The following PAICS variants were observed in gnomAD, a reference collection of about 807,000 sequenced individuals.
PAICS encodes phosphoribosylaminoimidazole carboxylase and phosphoribosylaminoimidazolesuccinocarboxamide synthase, also known as bifunctional phosphoribosylaminoimidazole carboxylase/phosphoribosylaminoimidazole succinocarboxamide synthetase.
Under a neutral mutation model 53.7 loss-of-function variants are expected in PAICS, and 33 were observed. The ratio of observed to expected loss-of-function variants is 0.61; its 90% confidence interval spans 0.47 to 0.82. The LOEUF is 0.82. Among genes scored for constraint, PAICS ranks in the 40% least tolerant of loss-of-function variants. The pLI, the probability that PAICS is intolerant of heterozygous loss-of-function variation, is 0.00. For synonymous variants in PAICS, 141 were observed against 167.2 expected, an observed-to-expected ratio of 0.84 and a Z score of 1.21; for missense variants, 394 against 494.1, an observed-to-expected ratio of 0.80 and a Z score of 1.92.
Position 56,459,482 on chromosome 4 carries a change from A to C in PAICS, c.1222A>C (p.Asn408His), listed in dbSNP as rs745894323. 1 of 1,598,576 alleles carries C rather than the reference A, an allele frequency of 6.3e-7. No homozygotes were observed. Among genetic ancestry groups the C allele is most frequent in the Admixed American group, 1.7e-5 (1 of 59,630 alleles). ...VWSKLRASILNTWISLKQADK... is the reference protein window; with the variant it reads ...VWSKLRASILHTWISLKQADK... ...GAGCAAACTGCGAGCAAGCATTTTGAACACATGGATTTCCTTGAAGCAGGC... is the reference window on the plus strand; with the variant it reads ...GAGCAAACTGCGAGCAAGCATTTTGCACACATGGATTTCCTTGAAGCAGGC... Residue 408 changes from asparagine to histidine, a missense_variant, in exon 9 of 9, where the codon AAC becomes CAC. This residue lies in a region of PAICS where 95 missense variants were observed against 89.3 expected (regional missense o/e 1.06). Coordinates refer to ENST00000512576, the MANE Select transcript of PAICS (RefSeq NM_001079524.2).
Position 56,446,794 on chromosome 4 carries a change from C to T in PAICS, c.314C>T (p.Thr105Ile), listed in dbSNP as rs1485776828. ...GAATGGGTTTGCAGAAGAATAGCAA[C>T]TGGTTCTTTTCTCAAAAGAAATCCT... Reference protein sequence around the residue: ...PIEWVCRRIATGSFLKRNPGV... With the variant: ...PIEWVCRRIAIGSFLKRNPGV... The change falls in exon 3 of 9, where the codon ACT (threonine) becomes ATT (isoleucine). Residue 105 changes from threonine (T) to isoleucine (I), a missense_variant. Around this residue, in one of 3 missense-constraint regions of PAICS, gnomAD observed 168 missense variants for 199.3 expected, o/e 0.84. Transcript: ENST00000512576. The T allele has an allele frequency of 6.2e-7, 1 of 1,609,064 alleles. No individual in the cohort carries two copies. Among genetic ancestry groups the T allele is most frequent in the Non-Finnish European group, 8.5e-7 (1 of 1,177,110 alleles).
At chr4:56,432,874 A>C (rs182931421), upstream of PAICS, among the ~76,000 whole-genome samples, 21 of 151,664 alleles carry the variant, frequency 1.4e-4, no homozygotes, top group East Asian at 3.9e-3. Context: ...ACCTTTTTGC[A>C]GTTGTTTTAA....
chr4:56,424,091 T>C, the PAICS span, among the ~76,000 whole-genome samples: 1 of 152,240 alleles, frequency 6.6e-6, no homozygotes, highest in Non-Finnish European at 1.5e-5. Flanking sequence ...TGATGAATTT[T>C]TGAAATTGGA....
At chr4:56,444,452 T>C (rs1246554065) in intron 2 of PAICS, among the ~76,000 whole-genome samples, 1 of 152,164 alleles carries the variant, frequency 6.6e-6, no homozygotes, top group Admixed American at 6.5e-5. Flanking sequence ...AAACCACAGA[T>C]GGGCATCTGG....
chr4:56,439,169 G>T (rs577560739), intron 1 of PAICS, among the ~76,000 whole-genome samples: 1 of 152,088 alleles, frequency 6.6e-6, no homozygotes, highest in Admixed American at 6.6e-5. Context: ...TACAAACTTT[G>T]CCCGGGCTTA....
At chr4:56,418,314 T>C in the PAICS span, among the ~76,000 whole-genome samples, 1 of 152,012 alleles carries the variant, frequency 6.6e-6, no homozygotes. Flanking sequence ...AAAAAACTTA[T>C]TTTATTTTAT....
the PAICS span, among the ~76,000 whole-genome samples, chr4:56,424,712 G>A: frequency 6.6e-6 from 1 of 152,306 alleles, no homozygotes; most frequent in South Asian, 2.1e-4. Context: ...AAAGGACTCT[G>A]CCAAAAGAGA....
At chr4:56,422,661 T>C in the PAICS span, 1 of 152,146 alleles carries the variant, frequency 6.6e-6, no homozygotes, top group South Asian at 2.1e-4. Flanking sequence ...TAGCTTTAGA[T>C]GAGGTCATGA....
chr4:56,433,784 TC>T (rs904939596), upstream of PAICS, among the ~76,000 whole-genome samples: 2 of 151,546 alleles, frequency 1.3e-5, no homozygotes, highest in African/African-American at 2.4e-5. Flanking sequence ...AACCTAAGCC[TC>T]CCGGGTTCAA....
chr4:56,413,546 C>G, the PAICS span, among the ~76,000 whole-genome samples: 1 of 152,188 alleles, frequency 6.6e-6, no homozygotes, highest in Non-Finnish European at 1.5e-5. Flanking sequence ...GAATCACTGT[C>G]ATGCAAAATT....
chr4:56,412,736 C>G, the PAICS span, among the ~76,000 whole-genome samples: 1 of 152,164 alleles, frequency 6.6e-6, no homozygotes, highest in Non-Finnish European at 1.5e-5. Flanking sequence ...AAAATTTTCT[C>G]TCTGCTCTAT....
At position 56,441,676 on chromosome 4, in the gene PAICS, T is replaced by TA; in HGVS notation, c.36dup (p.Leu13IlefsTer3). 3 of 1,572,194 alleles carry TA rather than the reference T, an allele frequency of 1.9e-6. No homozygotes were observed. The highest frequency in any genetic ancestry group is 2.6e-6 in the Non-Finnish European group (3 of 1,160,708). On this transcript the variant is annotated frameshift_variant, in exon 2 of 9. Coordinates refer to ENST00000512576, the MANE Select transcript of PAICS (RefSeq NM_001079524.2). LOFTEE classifies it high-confidence loss of function. ...TTATTTCCACAGTACTGAACATTGG[T>TA]AAAAAATTATATGAGGGTAAAACAA...
At chr4:56,453,910 G>A (rs536648783) in intron 8 of PAICS, 149 bp downstream of exon 8, 13 of 503,780 alleles carry the variant, frequency 2.6e-5, no homozygotes, top group Non-Finnish European at 3.9e-5. Flanking sequence ...TCTCCTGCTG[G>A]ATTATTTTAA....
At chr4:56,435,259 G>A, upstream of PAICS, 1 of 1,568,680 alleles carries the variant, frequency 6.4e-7, no homozygotes, top group East Asian at 2.2e-5. Context: ...GGTCCTCCCG[G>A]GCCCTCGGGC....
chr4:56,455,319 TACTA>T (rs1719137487), intron 8 of PAICS, among the ~76,000 whole-genome samples: 1 of 152,240 alleles, frequency 6.6e-6, no homozygotes, highest in Non-Finnish European at 1.5e-5. Context: ...TTTGCTTTAT[TACTA>T]AAATCCCTAA....
chr4:56,458,630 G>A (rs774170691), intron 8 of PAICS, among the ~76,000 whole-genome samples: 1 of 152,182 alleles, frequency 6.6e-6, no homozygotes, highest in Non-Finnish European at 1.5e-5. Context: ...CTTGTGATTT[G>A]TATTTGACTC....
chr4:56,442,385 G>A (rs1337092103), intron 2 of PAICS, among the ~76,000 whole-genome samples: 2 of 152,162 alleles, frequency 1.3e-5, no homozygotes, highest in South Asian at 2.1e-4. Flanking sequence ...GCGCCCTCCT[G>A]TTCAAAAACT....
chr4:56,417,322 CAA>C, the PAICS span, among the ~76,000 whole-genome samples: 6 of 151,426 alleles, frequency 4.0e-5, no homozygotes, highest in Admixed American at 6.6e-5. Flanking sequence ...CATTTCAAAG[CAA>C]AGACATTAAA....
At chr4:56,444,344 CCTT>C (rs1193095179) in intron 2 of PAICS, among the ~76,000 whole-genome samples, 1 of 152,034 alleles carries the variant, frequency 6.6e-6, no homozygotes, top group Admixed American at 6.6e-5. Flanking sequence ...TAAAATCTGG[CCTT>C]CTTAGTGATG....
Sources: allele counts gnomAD v4.1 joint callset (sites outside exome capture counted in the v4.1 genomes callset), GRCh38; gene constraint gnomAD v4.1.1; regional missense constraint gnomAD v4.1.1; transcripts MANE v1.5; gene names NCBI Gene and HGNC (gene_info 2026-07-23, HGNC 2026-07-21).